EPB41L3: variants seen among roughly 807,000 people sequenced by gnomAD.
The protein encoded by EPB41L3 is erythrocyte membrane protein band 4.1 like 3.
Under a neutral mutation model 127.1 loss-of-function variants are expected in EPB41L3, and 57 were observed. The ratio of observed to expected loss-of-function variants is 0.45; its 90% CI spans 0.36 to 0.56. EPB41L3 has a LOEUF of 0.56. Among genes scored for constraint, EPB41L3 ranks in the 20% least tolerant of loss-of-function variants. The pLI is 0.00. For missense variants in EPB41L3, 1,273 were observed against 1,372.2 expected, an observed-to-expected ratio of 0.93 and a Z score of 1.14; for synonymous variants, 572 against 549.5, an observed-to-expected ratio of 1.04 and a Z score of -0.57.
chr18:5,611,641 A>T (rs2094726419), intron 3 of EPB41L3, among the ~76,000 whole-genome samples: 1 of 152,192 alleles, frequency 6.6e-6, no homozygotes, highest in African/African-American at 2.4e-5. Flanking sequence ...CAATAAATAA[A>T]ATTTGGCCAG....
intron 11 of EPB41L3, among the ~76,000 whole-genome samples, chr18:5,421,720 G>A (rs2077492740): frequency 6.6e-6 from 1 of 152,210 alleles, no homozygotes; most frequent in African/African-American, 2.4e-5. Flanking sequence ...ACTGAGGAAT[G>A]AAAAGCCAAA....
chr18:5,396,939 C>G, intron 18 of EPB41L3, 119 bp downstream of exon 18: 1 of 1,068,988 alleles, frequency 9.4e-7, no homozygotes, highest in Non-Finnish European at 1.3e-6. Flanking sequence ...AGGAGAAATA[C>G]ACTATACATG....
At position 5,416,213 on chromosome 18, in the gene EPB41L3, A is replaced by G. The variant is rs1436987158; in HGVS notation, c.1672T>C (p.Ser558Pro). ...EHLPGEPALD[S>P]DGPGRPYLGD... is the part of the protein sequence containing the mutation. Reference sequence around the variant, plus strand: ...AGGTAAGGCCTCCCTGGGCCATCAGAGTCCAAGGCGGGCTCTCCAGGCAGG... The same window carrying G: ...AGGTAAGGCCTCCCTGGGCCATCAGGGTCCAAGGCGGGCTCTCCAGGCAGG... Residue 558 changes from serine (S) to proline (P), a missense_variant, in exon 13 of 23, where the codon TCT becomes CCT. By Grantham distance (74) the Ser-to-Pro change is moderately conservative. Around this residue, in one of 3 missense-constraint regions of EPB41L3, gnomAD observed 765 missense variants for 782.9 expected, o/e 0.98. Transcript: ENST00000341928. 1.2e-6 allele frequency: 2 copies of G among 1,614,178 alleles called. No homozygotes were observed. Among genetic ancestry groups the G allele is most frequent in the African/African-American group, 2.7e-5 (2 of 75,052 alleles).
chr18:5,557,094 G>A (rs145619435), intron 3 of EPB41L3, among the ~76,000 whole-genome samples: 15 of 152,196 alleles, frequency 9.9e-5, no homozygotes, highest in African/African-American at 1.9e-4. Flanking sequence ...GGTGGCTCTC[G>A]ACTGCTGGGA....
chr18:5,532,398 C>T (rs993056289), intron 1 of EPB41L3, among the ~76,000 whole-genome samples: 1 of 152,198 alleles, frequency 6.6e-6, no homozygotes, highest in African/African-American at 2.4e-5. Flanking sequence ...GATAAAAGAA[C>T]AGAGAAAGGA....
intron 3 of EPB41L3, among the ~76,000 whole-genome samples, chr18:5,603,574 C>T (rs538743911): frequency 2.6e-5 from 4 of 152,114 alleles, no homozygotes; most frequent in Non-Finnish European, 5.9e-5. Flanking sequence ...TATAAGTCAG[C>T]AACTGCAGGA....
At chr18:5,524,939 G>A (rs866158676) in intron 1 of EPB41L3, among the ~76,000 whole-genome samples, 1 of 152,180 alleles carries the variant, frequency 6.6e-6, no homozygotes, top group Admixed American at 6.5e-5. Context: ...TGGGGGAGGG[G>A]CTGGTCTGAA....
intron 5 of EPB41L3, among the ~76,000 whole-genome samples, chr18:5,439,212 C>T (rs780199998): frequency 6.6e-6 from 1 of 152,010 alleles, no homozygotes; most frequent in Non-Finnish European, 1.5e-5. Flanking sequence ...AGGTCTTTCA[C>T]CCATGCCTCA....
intron 3 of EPB41L3, among the ~76,000 whole-genome samples, chr18:5,575,703 G>T (rs1031613600): frequency 6.6e-6 from 1 of 152,120 alleles, no homozygotes; most frequent in Non-Finnish European, 1.5e-5. Flanking sequence ...CAGGCGTGGT[G>T]GTGGGTACCT....
chr18:5,451,203 C>G (rs2082236234), intron 3 of EPB41L3, among the ~76,000 whole-genome samples: 1 of 152,176 alleles, frequency 6.6e-6, no homozygotes, highest in African/African-American at 2.4e-5. Context: ...TTGTTTCTCT[C>G]CCTTTATCCA....
intron 3 of EPB41L3, among the ~76,000 whole-genome samples, chr18:5,560,007 TTGGCTCAGTTACTA>T (rs2094101595): frequency 6.6e-6 from 1 of 152,234 alleles, no homozygotes; most frequent in African/African-American, 2.4e-5. Context: ...ATTTTGATCT[TTGGCTCAGTTACTA>T]TGACACCATC....
At chr18:5,551,305 C>T (rs2093960117) in intron 3 of EPB41L3, among the ~76,000 whole-genome samples, 1 of 152,186 alleles carries the variant, frequency 6.6e-6, no homozygotes, top group Non-Finnish European at 1.5e-5. Context: ...CAAATTTCCA[C>T]TTCTCTTGAT....
chr18:5,540,105 T>A (rs544780281), intron 1 of EPB41L3, among the ~76,000 whole-genome samples: 2 of 152,288 alleles, frequency 1.3e-5, no homozygotes, highest in Non-Finnish European at 2.9e-5. Flanking sequence ...CAAAGAACAG[T>A]AAGAAATATG....
At chr18:5,435,377 C>A (rs1225612021) in intron 6 of EPB41L3, among the ~76,000 whole-genome samples, 1 of 152,198 alleles carries the variant, frequency 6.6e-6, no homozygotes, top group Non-Finnish European at 1.5e-5. Context: ...AACTTCCCGT[C>A]CTGCACGCGC....
At chr18:5,606,998 T>C (rs556682478) in intron 3 of EPB41L3, among the ~76,000 whole-genome samples, 16 of 152,128 alleles carry the variant, frequency 1.1e-4, no homozygotes, top group African/African-American at 3.4e-4. Context: ...GTGAATAACA[T>C]TGCTATCATG....
intron 3 of EPB41L3, among the ~76,000 whole-genome samples, chr18:5,461,106 G>C (rs1177898389): frequency 1.3e-5 from 2 of 152,174 alleles, no homozygotes; most frequent in Non-Finnish European, 2.9e-5. Flanking sequence ...CGTCTGGGCA[G>C]TATTTTTTCT....
intron 1 of EPB41L3, chr18:5,518,658 T>C (rs1029376223): frequency 3.2e-4 from 49 of 152,314 alleles, no homozygotes; most frequent in African/African-American, 1.1e-3. Context: ...AATGAAAGAA[T>C]AATGTATTTT....
chr18:5,535,110 T>TGAG, intron 1 of EPB41L3, among the ~76,000 whole-genome samples: 1 of 152,126 alleles, frequency 6.6e-6, no homozygotes, highest in East Asian at 1.9e-4. Context: ...ACCGCACACG[T>TGAG]GAGGGATCTA....
intron 3 of EPB41L3, chr18:5,610,144 CCA>C: frequency 1.0e-6 from 1 of 985,398 alleles, no homozygotes; most frequent in Non-Finnish European, 1.2e-6. Flanking sequence ...CAGGACTCAC[CCA>C]CATTATCCAC....
Sources: allele counts gnomAD v4.1 joint callset (sites outside exome capture counted in the v4.1 genomes callset), GRCh38; gene constraint gnomAD v4.1.1; regional missense constraint gnomAD v4.1.1; transcripts MANE v1.5; gene names NCBI Gene and HGNC (gene_info 2026-07-23, HGNC 2026-07-21).